Variants in MARCHF1 observed in about 807,000 individuals in gnomAD.
The protein encoded by MARCHF1 is membrane associated ring-CH-type finger 1.
MARCHF1 carries 40 observed loss-of-function variants against 54.2 expected under a neutral mutation model. The ratio of observed to expected loss-of-function variants is 0.74; its 90% confidence interval spans 0.57 to 0.96. The LOEUF (loss-of-function observed/expected upper bound fraction) is 0.96, where lower values mean the gene tolerates loss of function less well. Among genes scored for constraint, MARCHF1 ranks in the 40% least tolerant of loss-of-function variants. The probability of loss-of-function intolerance (pLI) is 0.00; values close to 1 mark genes in which losing one functional copy is unlikely to be tolerated. For missense variants in MARCHF1, 586 were observed against 656.5 expected, an observed-to-expected ratio of 0.89 and a Z score of 1.17; for synonymous variants, 236 against 236.3, an observed-to-expected ratio of 1.00 and a Z score of 0.01.
intron 3 of MARCHF1, among the ~76,000 whole-genome samples, chr4:163,975,791 G>C (rs1429130862): frequency 1.3e-5 from 2 of 152,148 alleles, no homozygotes; most frequent in African/African-American, 4.8e-5. Context: ...AGCCTCACAA[G>C]AGGCCAAAAT....
chr4:164,259,275 G>C (rs1399159116), intron 1 of MARCHF1, among the ~76,000 whole-genome samples: 2 of 152,002 alleles, frequency 1.3e-5, no homozygotes, highest in African/African-American at 4.8e-5. Context: ...GGGCGTGGTG[G>C]CTCACTCCTG....
At chr4:163,995,202 T>C (rs905124448) in intron 2 of MARCHF1, among the ~76,000 whole-genome samples, 1 of 152,068 alleles carries the variant, frequency 6.6e-6, no homozygotes, top group Non-Finnish European at 1.5e-5. Context: ...ATGAGTTTGC[T>C]AGAGAGGCTC....
chr4:164,235,334 G>A (rs985189514), intron 1 of MARCHF1, among the ~76,000 whole-genome samples: 11 of 152,080 alleles, frequency 7.2e-5, no homozygotes, highest in Middle Eastern at 3.4e-3. Context: ...TTTTCTTCAC[G>A]TTGGATCTGA....
At chr4:164,269,619 T>A (rs866263045) in intron 1 of MARCHF1, among the ~76,000 whole-genome samples, 5 of 152,190 alleles carry the variant, frequency 3.3e-5, no homozygotes, top group Non-Finnish European at 4.4e-5. Context: ...ATTGTTATCA[T>A]GAAATTAGTT....
At chr4:164,319,077 T>C (rs571255087) in intron 1 of MARCHF1, among the ~76,000 whole-genome samples, 1 of 152,226 alleles carries the variant, frequency 6.6e-6, no homozygotes, top group East Asian at 1.9e-4. Flanking sequence ...TATCCATGAG[T>C]TCCACATCCA....
chr4:163,586,412 A>T (rs1579087060), intron 7 of MARCHF1, among the ~76,000 whole-genome samples: 1 of 152,300 alleles, frequency 6.6e-6, no homozygotes, highest in East Asian at 1.9e-4. Flanking sequence ...TCCTACCCAA[A>T]ATATCTCATT....
At chr4:164,176,960 C>CCA (rs1219207934) in intron 1 of MARCHF1, among the ~76,000 whole-genome samples, 662 of 47,678 alleles carry the variant, frequency 0.014, 49 homozygotes, top group Non-Finnish European at 0.021. Context: ...CTCTCTCTCT[C>CCA]TCTCTCTCTC....
Position 164,141,994 on chromosome 4 carries a change from C to T in MARCHF1, c.-322-30332G>A, listed in dbSNP as rs995886983. ...GTGAGCGAGCCAAAGTAGGGCGAGG[C>T]ATTGCCTCACTCAGGAAGCACAAGG... On this transcript the variant is annotated intron_variant, in intron 1 of 9. Transcript: ENST00000514618. 2.0e-5 allele frequency among the ~76,000 whole-genome samples: 3 copies of T among 148,628 alleles called. No homozygotes were observed. The East Asian group carries it at 5.9e-4, about 29-fold the overall frequency.
At chr4:163,913,370 G>A (rs1751238020) in intron 3 of MARCHF1, among the ~76,000 whole-genome samples, 1 of 152,082 alleles carries the variant, frequency 6.6e-6, no homozygotes, top group Admixed American at 6.6e-5. Context: ...AACTGCCCTG[G>A]CTTTTAATTT....
At chr4:164,268,025 CAA>C (rs1169908748) in intron 1 of MARCHF1, among the ~76,000 whole-genome samples, 1 of 152,100 alleles carries the variant, frequency 6.6e-6, no homozygotes, top group Admixed American at 6.6e-5. Context: ...AATAAATCAT[CAA>C]AGCAAGCTCA....
intron 1 of MARCHF1, among the ~76,000 whole-genome samples, chr4:164,311,813 T>C (rs1480228012): frequency 2.0e-5 from 3 of 152,210 alleles, no homozygotes; most frequent in African/African-American, 7.2e-5. Flanking sequence ...TAACATTGCA[T>C]ATGCACCAAA....
At chr4:163,733,739 T>A (rs1200656948) in intron 4 of MARCHF1, among the ~76,000 whole-genome samples, 1 of 151,988 alleles carries the variant, frequency 6.6e-6, no homozygotes, top group Admixed American at 6.6e-5. Flanking sequence ...TAGAAGAAAT[T>A]TGTAACCTTG....
At chr4:163,622,670 T>C (rs1200201513) in intron 5 of MARCHF1, among the ~76,000 whole-genome samples, 2 of 152,188 alleles carry the variant, frequency 1.3e-5, no homozygotes, top group African/African-American at 4.8e-5. Flanking sequence ...GTTATCTCGA[T>C]GCCGAGTTTA....
At chr4:164,182,308 A>G (rs1730852552) in intron 1 of MARCHF1, among the ~76,000 whole-genome samples, 1 of 152,012 alleles carries the variant, frequency 6.6e-6, no homozygotes, top group South Asian at 2.1e-4. Flanking sequence ...TGACTAATAA[A>G]TATATAGCAA....
chr4:164,223,114 A>T (rs1327219476), intron 1 of MARCHF1, among the ~76,000 whole-genome samples: 2 of 152,002 alleles, frequency 1.3e-5, no homozygotes, highest in Non-Finnish European at 2.9e-5. Flanking sequence ...TGATTCAATT[A>T]TCTTATCCTG....
At chr4:164,054,738 T>G (rs1754450254) in intron 2 of MARCHF1, among the ~76,000 whole-genome samples, 2 of 123,682 alleles carry the variant, frequency 1.6e-5, no homozygotes, top group Admixed American at 2.1e-4. Context: ...TGAGATCACA[T>G]GGACACAGGA....
intron 5 of MARCHF1, among the ~76,000 whole-genome samples, chr4:163,685,342 A>G (rs1189178233): frequency 6.6e-6 from 1 of 152,190 alleles, no homozygotes; most frequent in Admixed American, 6.6e-5. Flanking sequence ...CTCCATTTTA[A>G]TTATCCTATT....
In MARCHF1 at chr4:163,941,078, G is replaced by A. The variant is rs77624018; in HGVS notation, c.-39+47423C>T. 9.4e-3 allele frequency among the ~76,000 whole-genome samples: 1,435 copies of A among 152,182 alleles called. 9 individuals are homozygous for A. The highest frequency in any genetic ancestry group is 0.016 in the Non-Finnish European group (1,059 of 67,964). ...TTAAATAGCACCCTGCTTAAATTTAGAAGTCTTATGCTTGAATCCTACTCT... is the reference window on the plus strand; with the variant it reads ...TTAAATAGCACCCTGCTTAAATTTAAAAGTCTTATGCTTGAATCCTACTCT... On this transcript the variant is annotated intron_variant, in intron 3 of 9. Coordinates refer to ENST00000514618, the MANE Select transcript of MARCHF1 (RefSeq NM_001394959.1).
chr4:163,867,898 C>G (rs1750088805), intron 3 of MARCHF1, among the ~76,000 whole-genome samples: 1 of 150,298 alleles, frequency 6.7e-6, no homozygotes, highest in Non-Finnish European at 1.5e-5. Context: ...TATTTCTCTC[C>G]CTGCCTCATA....
Sources: gnomAD v4.1 joint callset for allele counts (sites outside exome capture counted in the v4.1 genomes callset) on GRCh38, gnomAD v4.1.1 for gene constraint, MANE v1.5 for transcripts, NCBI Gene and HGNC (gene_info 2026-07-23, HGNC 2026-07-21) for gene names.